The following STPG2 variants were observed in gnomAD, a reference collection of about 807,000 sequenced individuals.
STPG2 encodes sperm-tail PG-rich repeat-containing protein 2.
A neutral mutation model predicts 54.2 loss-of-function variants in STPG2; 56 were observed. The ratio of observed to expected loss-of-function variants is 1.03; its 90% CI spans 0.83 to 1.29. STPG2 has a LOEUF of 1.29. STPG2 is among the 50% of genes most tolerant of loss of function. The probability of loss-of-function intolerance (pLI) is 0.00; values close to 1 mark genes in which losing one functional copy is unlikely to be tolerated. For synonymous variants in STPG2, 200 were observed against 181.8 expected, an observed-to-expected ratio of 1.10 and a Z score of -0.81; for missense variants, 596 against 544.9, an observed-to-expected ratio of 1.09 and a Z score of -0.93.
chr4:97,909,604 C>G (rs992659686), intron 8 of STPG2, among the ~76,000 whole-genome samples: 4 of 152,160 alleles, frequency 2.6e-5, no homozygotes, highest in South Asian at 2.1e-4. Flanking sequence ...AAGGATACAT[C>G]AAAAACACCT....
At chr4:97,844,649 C>T (rs546005606) in intron 8 of STPG2, among the ~76,000 whole-genome samples, 1 of 152,072 alleles carries the variant, frequency 6.6e-6, no homozygotes, top group Non-Finnish European at 1.5e-5. Flanking sequence ...AGTGTGAATT[C>T]TCCTTAAATG....
intron 8 of STPG2, among the ~76,000 whole-genome samples, chr4:97,846,856 G>T (rs1350396661): frequency 1.3e-5 from 2 of 152,016 alleles, no homozygotes; most frequent in African/African-American, 4.8e-5. Context: ...CCTCTTTCAA[G>T]TTATGAAATA....
intron 8 of STPG2, among the ~76,000 whole-genome samples, chr4:97,869,561 C>A (rs549833182): frequency 1.3e-5 from 2 of 151,474 alleles, no homozygotes; most frequent in East Asian, 1.9e-4. Flanking sequence ...GAAAAGACAA[C>A]CCTTGATTAG....
chr4:98,007,181 T>C (rs1735602374), intron 5 of STPG2, among the ~76,000 whole-genome samples: 1 of 152,162 alleles, frequency 6.6e-6, no homozygotes, highest in Admixed American at 6.5e-5. Context: ...TAAAACCTAT[T>C]GCACCACTGC....
chr4:97,915,672 C>A (rs1299596230), intron 8 of STPG2, among the ~76,000 whole-genome samples: 2 of 151,942 alleles, frequency 1.3e-5, no homozygotes, highest in Non-Finnish European at 2.9e-5. Flanking sequence ...ACAAGCAGAG[C>A]AAAATGACGG....
chr4:97,971,950 T>A (rs1734341721), intron 7 of STPG2, among the ~76,000 whole-genome samples: 1 of 152,216 alleles, frequency 6.6e-6, no homozygotes. Flanking sequence ...ATATTAAGCA[T>A]CTTCATTTTT....
At chr4:97,958,081 G>A (rs912185117) in intron 7 of STPG2, among the ~76,000 whole-genome samples, 5 of 152,048 alleles carry the variant, frequency 3.3e-5, no homozygotes, top group African/African-American at 1.2e-4. Context: ...GGCAGAGGGG[G>A]GACAGATCAC....
At chr4:97,799,209 A>T (rs553591227) in intron 9 of STPG2, among the ~76,000 whole-genome samples, 5 of 150,658 alleles carry the variant, frequency 3.3e-5, no homozygotes, top group African/African-American at 1.2e-4. Flanking sequence ...GTTATGTGTG[A>T]ATTTGATCCT....
intron 5 of STPG2, among the ~76,000 whole-genome samples, chr4:98,006,684 G>A (rs1735584433): frequency 6.6e-6 from 1 of 152,144 alleles, no homozygotes; most frequent in South Asian, 2.1e-4. Context: ...AGAACAGGAA[G>A]AGATTTGCTG....
chr4:97,495,894 A>T (rs372061166), intron 4 of STPG2, among the ~76,000 whole-genome samples: 2 of 151,602 alleles, frequency 1.3e-5, no homozygotes, highest in African/African-American at 4.8e-5. Flanking sequence ...GTAAGTAGCT[A>T]TTATCCACAT....
At chr4:97,777,312 T>C (rs74385830) in intron 9 of STPG2, among the ~76,000 whole-genome samples, 3,101 of 150,114 alleles carry the variant, frequency 0.021, 99 homozygotes, top group African/African-American at 0.072. Flanking sequence ...TTTTAGCCAA[T>C]ATTATACCAT....
chr4:97,838,351 T>G (rs1334686642), intron 9 of STPG2, among the ~76,000 whole-genome samples: 2 of 151,456 alleles, frequency 1.3e-5, no homozygotes, highest in African/African-American at 2.4e-5. Flanking sequence ...TCACTGAATC[T>G]TTTGATTATA....
At chr4:97,631,411 C>CT (rs1721275542) in intron 10 of STPG2, among the ~76,000 whole-genome samples, 1 of 151,932 alleles carries the variant, frequency 6.6e-6, no homozygotes, top group Non-Finnish European at 1.5e-5. Flanking sequence ...TTAAAATTAG[C>CT]TTTTTCAACA....
At chr4:97,706,585 TAA>T (rs1375508709) in intron 10 of STPG2, among the ~76,000 whole-genome samples, 1 of 152,160 alleles carries the variant, frequency 6.6e-6, no homozygotes, top group Non-Finnish European at 1.5e-5. Context: ...GTTAGTTTGT[TAA>T]AGCAGCCAAA....
At position 98,143,252 on chromosome 4, in the gene STPG2, A is replaced by C; in HGVS notation, c.-102T>G. 1 of 844,496 alleles carries C rather than the reference A, an allele frequency of 1.2e-6. No homozygotes were observed. Among genetic ancestry groups the C allele is most frequent in the Non-Finnish European group, 1.8e-6 (1 of 543,210 alleles). The allele number at this position is 844,496 out of a possible 1,614,324, so 52.3% of individuals were successfully genotyped here. A position where few individuals can be genotyped will look rare whatever the true frequency, so the allele number is the denominator to read the frequency against. On this transcript the variant is annotated 5_prime_UTR_variant, in exon 1 of 11. Transcript: ENST00000295268. Reference sequence around the variant, plus strand: ...GAAAAAGGAAGCCGACACCAGTCTGAGGAGGCCGGGAAAGAACTTCCGTAA... The same window carrying C: ...GAAAAAGGAAGCCGACACCAGTCTGCGGAGGCCGGGAAAGAACTTCCGTAA...
At chr4:97,443,382 C>T (rs993282595) in intron 4 of STPG2, among the ~76,000 whole-genome samples, 16 of 152,108 alleles carry the variant, frequency 1.1e-4, no homozygotes, top group African/African-American at 3.4e-4. Context: ...ATTCTGGCAT[C>T]GTGTCATGTT....
chr4:98,041,769 A>C (rs917042077), intron 5 of STPG2, among the ~76,000 whole-genome samples: 1 of 151,930 alleles, frequency 6.6e-6, no homozygotes, highest in African/African-American at 2.4e-5. Context: ...ATCTGTGTTC[A>C]TCAGAGATAT....
chr4:98,004,990 T>A (rs1391116106), intron 5 of STPG2, among the ~76,000 whole-genome samples: 2 of 145,472 alleles, frequency 1.4e-5, no homozygotes, highest in Non-Finnish European at 3.1e-5. Context: ...AAAAGCTTTT[T>A]AGTTTATTGC....
At chr4:98,090,241 G>C (rs950396367) in intron 5 of STPG2, among the ~76,000 whole-genome samples, 1 of 152,052 alleles carries the variant, frequency 6.6e-6, no homozygotes, top group Non-Finnish European at 1.5e-5. Context: ...GTGAGAGATG[G>C]AGATCCAATT....
Sources: allele counts gnomAD v4.1 joint callset (sites outside exome capture counted in the v4.1 genomes callset), GRCh38; gene constraint gnomAD v4.1.1; transcripts MANE v1.5; gene names NCBI Gene and HGNC (gene_info 2026-07-23, HGNC 2026-07-21).